GREM2: variants seen among roughly 807,000 people sequenced by gnomAD.
The protein encoded by GREM2 is gremlin-2.
GREM2 carries 11 observed loss-of-function variants against 14.2 expected under a neutral mutation model. The observed-to-expected ratio is 0.78, with a 90% CI of 0.49 to 1.28. GREM2 has a LOEUF of 1.28. Among genes scored for constraint, GREM2 ranks in the 50% most tolerant of loss-of-function variants. The probability of loss-of-function intolerance (pLI) is 0.00; values close to 1 mark genes in which losing one functional copy is unlikely to be tolerated. For missense variants in GREM2, 210 were observed against 218.5 expected (o/e 0.96, Z 0.24); for synonymous variants, 98 against 97.6 (o/e 1.00, Z -0.02).
At chr1:240,601,115 A>T in intron 1 of GREM2, among the ~76,000 whole-genome samples, 1 of 152,200 alleles carries the variant, frequency 6.6e-6, no homozygotes, top group East Asian at 1.9e-4. Flanking sequence ...TTTGCTTCTC[A>T]GCCCCAATTC....
intron 1 of GREM2, among the ~76,000 whole-genome samples, chr1:240,529,355 G>T (rs1678300954): frequency 6.6e-6 from 1 of 150,972 alleles, no homozygotes; most frequent in Non-Finnish European, 1.5e-5. Context: ...ACAGGGAATG[G>T]AAAGTTGGAA....
intron 1 of GREM2, among the ~76,000 whole-genome samples, chr1:240,495,911 G>C (rs1391299092): frequency 6.6e-6 from 1 of 151,142 alleles, no homozygotes; most frequent in Admixed American, 6.7e-5. Flanking sequence ...CAGTATCTTA[G>C]AGAATAAGGC....
intron 1 of GREM2, among the ~76,000 whole-genome samples, chr1:240,503,866 CA>C (rs756637402): frequency 1.3e-5 from 2 of 152,148 alleles, no homozygotes; most frequent in Non-Finnish European, 2.9e-5. Flanking sequence ...TTTTCTCCCC[CA>C]CTGGAGTCTA....
intron 1 of GREM2, among the ~76,000 whole-genome samples, chr1:240,561,306 A>G (rs35005954): frequency 8.5e-5 from 13 of 152,172 alleles, no homozygotes; most frequent in Non-Finnish European, 1.6e-4. Context: ...GCAGAAAGCT[A>G]GGGTTATTTG....
chr1:240,577,065 G>A (rs1679385557), intron 1 of GREM2, among the ~76,000 whole-genome samples: 1 of 152,094 alleles, frequency 6.6e-6, no homozygotes, highest in South Asian at 2.1e-4. Flanking sequence ...CCAAATTATT[G>A]TTTGTCTCTA....
chr1:240,515,867 C>A (rs1349099264), intron 1 of GREM2, among the ~76,000 whole-genome samples: 1 of 152,126 alleles, frequency 6.6e-6, no homozygotes, highest in Non-Finnish European at 1.5e-5. Context: ...ATTGTTTGAA[C>A]AATTCCCCCT....
At chr1:240,505,372 C>T (rs959684251) in intron 1 of GREM2, among the ~76,000 whole-genome samples, 104 of 152,124 alleles carry the variant, frequency 6.8e-4, no homozygotes, top group African/African-American at 2.4e-3. Flanking sequence ...ATCATACACA[C>T]GCACAGTAGG....
At chr1:240,558,416 AG>A (rs2103346845) in intron 1 of GREM2, among the ~76,000 whole-genome samples, 1 of 152,308 alleles carries the variant, frequency 6.6e-6, no homozygotes, top group South Asian at 2.1e-4. Flanking sequence ...AATATTGAAA[AG>A]AAAAAAGCCT....
intron 1 of GREM2, among the ~76,000 whole-genome samples, chr1:240,581,601 T>C (rs1228495278): frequency 6.6e-6 from 1 of 152,338 alleles, no homozygotes; most frequent in African/African-American, 2.4e-5. Context: ...ATAAATAATT[T>C]CTATCAAAAG....
At chr1:240,533,099 G>A (rs1678400442) in intron 1 of GREM2, among the ~76,000 whole-genome samples, 1 of 152,208 alleles carries the variant, frequency 6.6e-6, no homozygotes, top group Non-Finnish European at 1.5e-5. Context: ...ACAGGAAAAG[G>A]AACACAATGT....
chr1:240,493,155 C>G lies in GREM2; in HGVS notation c.321G>C (p.Pro107=). 6.2e-7 allele frequency: 1 copy of G among 1,614,168 alleles called. No individual in the cohort carries two copies. Among genetic ancestry groups the G allele is most frequent in the South Asian group, 1.1e-5 (1 of 91,090 alleles). ...CYGQCNSFYI[P]RHVKKEEESF... ...ACTCCTCCTCCTTCTTCACGTGCCG[C>G]GGGATGTAGAAGGAGTTGCACTGGC... Residue 107 remains proline (P), a synonymous_variant, in exon 2 of 2, where the codon CCG becomes CCC. Coordinates refer to ENST00000318160, the MANE Select transcript of GREM2 (RefSeq NM_022469.4).
intron 1 of GREM2, among the ~76,000 whole-genome samples, chr1:240,538,942 C>T (rs965398413): frequency 2.0e-5 from 3 of 152,080 alleles, no homozygotes; most frequent in South Asian, 2.1e-4. Flanking sequence ...AATGAAATAA[C>T]AGCATCAGAT....
At chr1:240,571,104 T>C (rs1679253045) in intron 1 of GREM2, among the ~76,000 whole-genome samples, 1 of 152,230 alleles carries the variant, frequency 6.6e-6, no homozygotes, top group Non-Finnish European at 1.5e-5. Context: ...ATTTTTCATC[T>C]CAAATTCATG....
At chr1:240,561,071 A>G (rs1322387913) in intron 1 of GREM2, among the ~76,000 whole-genome samples, 2 of 152,194 alleles carry the variant, frequency 1.3e-5, no homozygotes, top group Non-Finnish European at 2.9e-5. Flanking sequence ...TTGCTAATTG[A>G]TTAAGGTGAG....
At position 240,522,690 on chromosome 1, in the gene GREM2, G is replaced by A. The variant is rs964849673; in HGVS notation, c.-1-29214C>T. 5.9e-5 allele frequency among the ~76,000 whole-genome samples: 9 copies of A among 152,280 alleles called. No individual in the cohort carries two copies. The East Asian group carries it at 1.5e-3, about 26-fold the overall frequency. On this transcript the variant is annotated intron_variant, in intron 1 of 1. Coordinates refer to ENST00000318160, the MANE Select transcript of GREM2 (RefSeq NM_022469.4). The stretch of plus-strand genomic sequence containing the variant: ...GACAATTTTCTCTGGTGTTTGCTAA[G>A]ACTAAAGCCTGTTTGGTGAGATACA...
chr1:240,549,361 A>C (rs1444582756), intron 1 of GREM2, among the ~76,000 whole-genome samples: 3 of 151,988 alleles, frequency 2.0e-5, no homozygotes, highest in South Asian at 4.1e-4. Context: ...GAAAAGAAAG[A>C]AAGCAAAAAG....
rs1233216580 is a variant in GREM2 at position 240,590,971 on chromosome 1, G to T, written c.-2+20913C>A. 3.3e-5 allele frequency among the ~76,000 whole-genome samples: 5 copies of T among 151,232 alleles called. No homozygotes were observed. In the East Asian group the frequency reaches 8.0e-4, roughly 24 times the overall value. ...TAATTTTTGTATTTTTAGTAGAGAA[G>T]GGGTTTCACCAGGTTGGCCAGGCTG... On this transcript the variant is annotated intron_variant, in intron 1 of 1. Transcript: ENST00000318160.
In GREM2 at chr1:240,492,263, GGACAGTGAGGAAGAAGA is replaced by G. The variant is rs1677270737; in HGVS notation, c.*689_*705del. On this transcript the variant is annotated 3_prime_UTR_variant, in exon 2 of 2. Transcript: ENST00000318160. ...TCTTTAGTCCACAAATAGGGGGCGGGGACAGTGAGGAAGAAGAGGCGGTGGGGACTTGAGGATGGGGG... is the reference window on the plus strand; with the variant it reads ...TCTTTAGTCCACAAATAGGGGGCGGGGGCGGTGGGGACTTGAGGATGGGGG... 1 of 446,376 alleles carries G rather than the reference GGACAGTGAGGAAGAAGA, an allele frequency of 2.2e-6. No homozygotes were observed. Among genetic ancestry groups the G allele is most frequent in the Non-Finnish European group, 4.5e-6 (1 of 220,484 alleles). The allele number at this position is 446,376 out of a possible 1,614,324, so 27.7% of individuals were successfully genotyped here. A position where few individuals can be genotyped will look rare whatever the true frequency, so the allele number is the denominator to read the frequency against.
Position 240,543,056 on chromosome 1 carries a change from G to C in GREM2, c.-1-49580C>G, listed in dbSNP as rs1678628211. Among the ~76,000 whole-genome samples the C allele has an allele frequency of 6.6e-6, 1 of 152,120 alleles. No homozygotes were observed. The highest frequency in any genetic ancestry group is 1.5e-5 in the Non-Finnish European group (1 of 68,034). On this transcript the variant is annotated intron_variant, in intron 1 of 1. Coordinates refer to ENST00000318160, the MANE Select transcript of GREM2 (RefSeq NM_022469.4). This position sits in a 1 kb window ranked among gnomAD's most constrained non-coding sequence, Gnocchi z 6.4. The stretch of plus-strand genomic sequence containing the variant: ...ATTCCTCTGGGAAGCCTCCCAAAAT[G>C]TCCTAGGCTGCTCTCCTTCTGAGGT...
Sources: gnomAD v4.1 joint callset for allele counts (sites outside exome capture counted in the v4.1 genomes callset) on GRCh38, gnomAD v4.1.1 for gene constraint, Gnocchi (gnomAD v3.1) non-coding constraint, MANE v1.5 for transcripts, NCBI Gene and HGNC (gene_info 2026-07-23, HGNC 2026-07-21) for gene names.